Variants in AGK observed in about 807,000 individuals in gnomAD.
The protein encoded by AGK is acylglycerol kinase.
AGK carries 52 observed loss-of-function variants against 66.4 expected under a neutral mutation model. That is an observed-to-expected ratio of 0.78 (90% CI 0.63 to 0.99). The LOEUF (loss-of-function observed/expected upper bound fraction) is 0.99, where lower values mean the gene tolerates loss of function less well. Among genes scored for constraint, AGK ranks in the 50% least tolerant of loss-of-function variants. The pLI, the probability that AGK is intolerant of heterozygous loss-of-function variation, is 0.00. For synonymous variants in AGK, 182 were observed against 181.1 expected (o/e 1.00, Z -0.04); for missense variants, 451 against 506.6 (o/e 0.89, Z 1.05).
chr7:141,563,483 C>T (rs1166338870), intron 2 of AGK, among the ~76,000 whole-genome samples: 3 of 152,204 alleles, frequency 2.0e-5, no homozygotes, highest in Non-Finnish European at 4.4e-5. Flanking sequence ...CTTATCAATG[C>T]CATTTTCTTT....
intron 2 of AGK, among the ~76,000 whole-genome samples, chr7:141,590,895 G>A (rs899041591): frequency 6.6e-6 from 1 of 152,170 alleles, no homozygotes; most frequent in Admixed American, 6.5e-5. Flanking sequence ...TGGAGGAAGA[G>A]AAGGTTGCAC....
chr7:141,636,433 A>G (rs953606462), intron 10 of AGK, among the ~76,000 whole-genome samples: 6 of 152,240 alleles, frequency 3.9e-5, no homozygotes, highest in African/African-American at 4.8e-5. Context: ...CAAAATTCCA[A>G]AAAGCAAAAC....
intron 13 of AGK, 129 bp downstream of exon 13, chr7:141,642,037 A>G: frequency 1.2e-6 from 1 of 823,870 alleles, no homozygotes; most frequent in Non-Finnish European, 1.9e-6. Flanking sequence ...TGTCAGGAGA[A>G]AGAGGATGTG....
At position 141,593,152 on chromosome 7, in the gene AGK, C is replaced by A. The variant is rs199611875; in HGVS notation, c.108C>A (p.Asn36Lys). The part of the protein sequence containing the change: ...GHWLYGKHCD[N>K]LLRRAACQEA... ...CTTTTGCTTACTTTGATAGTGATAA[C>A]CTCCTAAGGAGAGCAGCCTGTCAAG... The change falls in exon 3 of 16, where the codon AAC (asparagine) becomes AAA (lysine). Residue 36 changes from asparagine (N) to lysine (K), a missense_variant. Asn to Lys is a moderately conservative substitution (Grantham distance 94). Transcript: ENST00000649286. 14 of 1,611,422 alleles carry A rather than the reference C, an allele frequency of 8.7e-6. No individual in the cohort carries two copies. Among genetic ancestry groups the A allele is most frequent in the Middle Eastern group, 4.2e-4 (2 of 4,756 alleles).
intron 2 of AGK, among the ~76,000 whole-genome samples, chr7:141,586,255 G>A (rs937179681): frequency 2.0e-5 from 3 of 152,058 alleles, no homozygotes; most frequent in African/African-American, 7.2e-5. Flanking sequence ...TGTGCGTTTG[G>A]AATTTTTTAG....
chr7:141,594,069 T>C (rs896879495), intron 3 of AGK: 3 of 152,252 alleles, frequency 2.0e-5, no homozygotes, highest in African/African-American at 7.2e-5. Context: ...TTTTAGCGAT[T>C]GTTATCTAGC....
chr7:141,597,618 C>T (rs898904973), intron 4 of AGK, among the ~76,000 whole-genome samples: 1 of 151,880 alleles, frequency 6.6e-6, no homozygotes. Flanking sequence ...CGCCTGTAAT[C>T]GCAGCACTTT....
chr7:141,570,619 G>A (rs1262795970), intron 2 of AGK, among the ~76,000 whole-genome samples: 1 of 149,904 alleles, frequency 6.7e-6, no homozygotes, highest in African/African-American at 2.5e-5. Flanking sequence ...TTTCATCTAT[G>A]TCCTCTACTT....
chr7:141,576,572 C>G (rs1200512757), intron 2 of AGK, among the ~76,000 whole-genome samples: 1 of 148,774 alleles, frequency 6.7e-6, no homozygotes, highest in Non-Finnish European at 1.5e-5. Flanking sequence ...CTGATTAGAA[C>G]TGGTGGGATA....
chr7:141,602,283 C>T (rs1036729211), intron 5 of AGK, among the ~76,000 whole-genome samples: 1 of 151,816 alleles, frequency 6.6e-6, no homozygotes, highest in African/African-American at 2.4e-5. Context: ...ATCCCCCCCA[C>T]CTTGGCTTCC....
intron 1 of AGK, among the ~76,000 whole-genome samples, chr7:141,553,427 C>T (rs923689437): frequency 6.6e-6 from 1 of 152,166 alleles, no homozygotes; most frequent in Non-Finnish European, 1.5e-5. Context: ...GTGCACCACC[C>T]CCTCAGCCCT....
chr7:141,651,576 C>A lies in AGK; in HGVS notation c.1098C>A (p.Leu366=), dbSNP rs369042931. Residue 366 remains leucine (L), a synonymous_variant, in exon 15 of 16, where the codon CTC becomes CTA. Transcript: ENST00000649286. ...PKLHVEGTEC[L]QASQCTLLIP... ...TGCACGTGGAGGGCACGGAGTGTCTCCAAGCCAGCCAGTGCACTTTGCTTA... is the reference window on the plus strand; with the variant it reads ...TGCACGTGGAGGGCACGGAGTGTCTACAAGCCAGCCAGTGCACTTTGCTTA... The A allele has an allele frequency of 3.8e-5, 62 of 1,614,084 alleles. No homozygotes were observed. Among genetic ancestry groups the A allele is most frequent in the Non-Finnish European group, 4.7e-5 (56 of 1,180,054 alleles).
chr7:141,569,198 G>A (rs1373961100), intron 2 of AGK, among the ~76,000 whole-genome samples: 3 of 152,134 alleles, frequency 2.0e-5, no homozygotes, highest in Non-Finnish European at 4.4e-5. Context: ...TTTGCCTGAG[G>A]GGTGTGTTCA....
chr7:141,576,426 CA>C (rs1398213415), intron 2 of AGK, among the ~76,000 whole-genome samples: 1 of 151,518 alleles, frequency 6.6e-6, no homozygotes, highest in Non-Finnish European at 1.5e-5. Flanking sequence ...GCAGGGGTAC[CA>C]GCCAGAGTGG....
intron 2 of AGK, among the ~76,000 whole-genome samples, chr7:141,575,093 A>G (rs1025078720): frequency 6.6e-6 from 1 of 152,258 alleles, no homozygotes; most frequent in Non-Finnish European, 1.5e-5. Flanking sequence ...TAATCACTAT[A>G]GTGATAAATC....
intron 4 of AGK, among the ~76,000 whole-genome samples, chr7:141,597,890 CAAAAAAAAAAAA>C (rs56295907): frequency 0.48 from 34,666 of 71,574 alleles, 5,211 homozygotes; most frequent in Middle Eastern, 0.6. Flanking sequence ...GACTCTGTCT[CAAAAAAAAAAAA>C]AAAAAAAAAA....
At chr7:141,562,657 A>G (rs1171854287) in intron 2 of AGK, among the ~76,000 whole-genome samples, 1 of 152,220 alleles carries the variant, frequency 6.6e-6, no homozygotes, top group Admixed American at 6.5e-5. Context: ...GAAAGGCCTC[A>G]TCCAGCTCCC....
Position 141,558,198 on chromosome 7 carries a change from C to G in AGK, c.101+2631C>G, listed in dbSNP as rs543127927. On this transcript the variant is annotated intron_variant, in intron 2 of 15. Coordinates refer to ENST00000649286, the MANE Select transcript of AGK (RefSeq NM_018238.4). ...TTTGAGACGGAGTCCTGCTCTGTCA[C>G]CTAGGCTAGAGTGTAGTGGTGTGAT... 3.2e-3 allele frequency among the ~76,000 whole-genome samples: 488 copies of G among 151,942 alleles called. 2 individuals carry two copies. The highest frequency in any genetic ancestry group is 5.3e-3 in the Non-Finnish European group (362 of 67,988).
chr7:141,622,455 ACT>A (rs901149953), intron 9 of AGK, among the ~76,000 whole-genome samples: 4 of 151,952 alleles, frequency 2.6e-5, no homozygotes, highest in Non-Finnish European at 5.9e-5. Context: ...TCACTTCATG[ACT>A]CTGTGTCACA....
Sources: allele counts gnomAD v4.1 joint callset (sites outside exome capture counted in the v4.1 genomes callset), GRCh38; gene constraint gnomAD v4.1.1; transcripts MANE v1.5; gene names NCBI Gene and HGNC (gene_info 2026-07-23, HGNC 2026-07-21).